Variants in LAMA4 observed in about 807,000 individuals in gnomAD.
LAMA4 encodes the protein laminin subunit alpha 4, also known as laminin subunit alpha-4.
LAMA4 carries 127 observed loss-of-function variants against 207.1 expected under a neutral mutation model. The observed-to-expected ratio is 0.61, with a 90% CI of 0.53 to 0.71. The LOEUF (loss-of-function observed/expected upper bound fraction) is 0.71, where lower values mean the gene tolerates loss of function less well. Among genes scored for constraint, LAMA4 ranks in the 30% least tolerant of loss-of-function variants. The pLI is 0.00. For missense variants in LAMA4, 2,093 were observed against 2,246.5 expected (o/e 0.93, Z 1.38); for synonymous variants, 761 against 816.0 (o/e 0.93, Z 1.15).
intron 31 of LAMA4, among the ~76,000 whole-genome samples, chr6:112,122,870 C>T (rs587621947): frequency 6.6e-6 from 1 of 152,216 alleles, no homozygotes; most frequent in South Asian, 2.1e-4. Context: ...AGTATTTAGT[C>T]ATTTATTCAA....
chr6:112,228,393 A>G (rs1381109211), intron 2 of LAMA4, among the ~76,000 whole-genome samples: 1 of 152,200 alleles, frequency 6.6e-6, no homozygotes, highest in East Asian at 1.9e-4. Context: ...GGCTTCCTCT[A>G]GACAAAAGGA....
intron 24 of LAMA4, 95 bp downstream of exon 24, chr6:112,139,025 C>T (rs1779519236): frequency 2.5e-6 from 3 of 1,209,174 alleles, no homozygotes; most frequent in South Asian, 2.4e-5. Context: ...AGTTTGATGG[C>T]ATGACACACT....
chr6:112,225,677 G>A (rs1290699328), intron 2 of LAMA4, among the ~76,000 whole-genome samples: 1 of 152,172 alleles, frequency 6.6e-6, no homozygotes, highest in Non-Finnish European at 1.5e-5. Flanking sequence ...CTATGCTGGG[G>A]TGGGCTGTAG....
chr6:112,206,603 T>C (rs1784071179), intron 4 of LAMA4, among the ~76,000 whole-genome samples: 1 of 152,186 alleles, frequency 6.6e-6, no homozygotes, highest in Non-Finnish European at 1.5e-5. Flanking sequence ...TAATTCTGAC[T>C]GAAAAGCCAT....
chr6:112,169,603 AAGG>A (rs1233564937), intron 12 of LAMA4, among the ~76,000 whole-genome samples: 2 of 152,176 alleles, frequency 1.3e-5, no homozygotes, highest in Non-Finnish European at 2.9e-5. Flanking sequence ...CAGGAAGAGG[AAGG>A]AGAACTGAGG....
At position 112,108,651 on chromosome 6, in the gene LAMA4, G is replaced by C. The variant is rs1385775043; in HGVS notation, c.*786C>G. ...GCAAACTTTTAATAAAAGGACTTGT[G>C]TACTCTTAAATTGAATTTTATGATT... On this transcript the variant is annotated 3_prime_UTR_variant, in exon 39 of 39. Transcript: ENST00000230538. The C allele has an allele frequency of 6.6e-6, 1 of 152,186 alleles. No individual in the cohort carries two copies. Among genetic ancestry groups the C allele is most frequent in the Non-Finnish European group, 1.5e-5 (1 of 68,056 alleles). The allele number at this position is 152,186 out of a possible 1,614,324, so 9.4% of individuals were successfully genotyped here. A position where few individuals can be genotyped will look rare whatever the true frequency, so the allele number is the denominator to read the frequency against.
chr6:112,154,944 C>T lies in LAMA4; in HGVS notation c.1963G>A (p.Val655Met), dbSNP rs2114777138. 1.2e-6 allele frequency: 2 copies of T among 1,604,944 alleles called. No homozygotes were observed. Among genetic ancestry groups the T allele is most frequent in the South Asian group, 1.1e-5 (1 of 90,868 alleles). Residue 655 changes from valine (V) to methionine (M), a missense_variant, in exon 16 of 39, where the codon GTG (valine) becomes ATG (methionine). By Grantham distance (21) the Val-to-Met change is conservative. Transcript: ENST00000230538. ...LNTTDRIYDA[V>M]SGIDTQIIYH... ...ATGATTTGAGTATCAATCCCACTCA[C>T]CGCCTACAAAGGAATTGAGAGAAGA...
At chr6:112,181,632 C>T (rs782686783) in intron 9 of LAMA4, among the ~76,000 whole-genome samples, 7 of 152,160 alleles carry the variant, frequency 4.6e-5, no homozygotes, top group Non-Finnish European at 7.3e-5. Context: ...CTAGTGTACC[C>T]ATGCCAAAAT....
At chr6:112,216,105 T>C (rs915736403) in intron 3 of LAMA4, among the ~76,000 whole-genome samples, 2 of 152,204 alleles carry the variant, frequency 1.3e-5, no homozygotes, top group African/African-American at 4.8e-5. Context: ...CCGCCATTGG[T>C]CTACAGCAGG....
intron 5 of LAMA4, chr6:112,200,323 C>T (rs1020814792): frequency 2.7e-6 from 1 of 367,474 alleles, no homozygotes; most frequent in Non-Finnish European, 5.4e-6. Context: ...AAATCAAAAC[C>T]ACAATGAGAT....
chr6:112,212,660 G>A (rs528402017), intron 3 of LAMA4, among the ~76,000 whole-genome samples: 1 of 152,300 alleles, frequency 6.6e-6, no homozygotes, highest in Admixed American at 6.5e-5. Context: ...CCAAACTGAT[G>A]ATGCTTTCCA....
chr6:112,225,013 T>C (rs1554361958), intron 2 of LAMA4, among the ~76,000 whole-genome samples: 1 of 151,768 alleles, frequency 6.6e-6, no homozygotes, highest in Non-Finnish European at 1.5e-5. Context: ...CATCTTCTGC[T>C]GCTTCTACAT....
chr6:112,183,675 G>A (rs1426853298), intron 9 of LAMA4, among the ~76,000 whole-genome samples: 1 of 152,086 alleles, frequency 6.6e-6, no homozygotes, highest in East Asian at 1.9e-4. Flanking sequence ...TTAAGGCTGG[G>A]CGTGGTGGTT....
At chr6:112,195,560 A>T (rs1783366256) in intron 5 of LAMA4, among the ~76,000 whole-genome samples, 1 of 152,094 alleles carries the variant, frequency 6.6e-6, no homozygotes, top group Non-Finnish European at 1.5e-5. Context: ...AATCATTATG[A>T]TTATCATCTT....
chr6:112,189,205 A>C lies in LAMA4; in HGVS notation c.719T>G (p.Val240Gly). 6.2e-7 allele frequency: 1 copy of C among 1,610,826 alleles called. No homozygotes were observed. The highest frequency in any genetic ancestry group is 8.5e-7 in the Non-Finnish European group (1 of 1,177,040). ...ACATGGGCCTCCCCCGCAGTTGCACACTGTGGGAAACAAAAACAAGAGACG... is the reference window on the plus strand; with the variant it reads ...ACATGGGCCTCCCCCGCAGTTGCACCCTGTGGGAAACAAAAACAAGAGACG... ...GDARIAKNCA[V>G]CNCGGGPCDS... The change falls in exon 7 of 39, where the codon GTG becomes GGG. Residue 240 changes from valine (V) to glycine (G), a missense_variant and splice_region_variant. Around this residue, in one of 3 missense-constraint regions of LAMA4, gnomAD observed 1,704 missense variants for 1,788.4 expected, o/e 0.95. Coordinates refer to ENST00000230538, the MANE Select transcript of LAMA4 (RefSeq NM_001105206.3).
intron 38 of LAMA4, among the ~76,000 whole-genome samples, chr6:112,112,391 G>A (rs765746525): frequency 4.7e-4 from 72 of 152,332 alleles, no homozygotes; most frequent in Non-Finnish European, 8.2e-4. Context: ...GGGAGATCCC[G>A]AAGGCAGGGA....
chr6:112,240,993 T>A (rs1554187524), intron 2 of LAMA4, among the ~76,000 whole-genome samples: 1 of 150,462 alleles, frequency 6.6e-6, no homozygotes, highest in Non-Finnish European at 1.5e-5. Context: ...TACTACTGTG[T>A]CAGCTCTTTC....
intron 21 of LAMA4, 116 bp from the exon 22 acceptor site, chr6:112,141,038 G>C (rs1281300714): frequency 2.0e-5 from 18 of 885,032 alleles, no homozygotes; most frequent in Non-Finnish European, 3.3e-5. Context: ...ACACTAATAA[G>C]CATTTACAAA....
chr6:112,135,330 T>C (rs1779276665), intron 25 of LAMA4, among the ~76,000 whole-genome samples: 2 of 152,186 alleles, frequency 1.3e-5, no homozygotes, highest in Admixed American at 1.3e-4. Context: ...AGCAGGTGCC[T>C]TCTGGAATCT....
Sources: gnomAD v4.1 joint callset for allele counts (sites outside exome capture counted in the v4.1 genomes callset) on GRCh38, gnomAD v4.1.1 for gene constraint, gnomAD v4.1.1 regional missense constraint, MANE v1.5 for transcripts, NCBI Gene and HGNC (gene_info 2026-07-23, HGNC 2026-07-21) for gene names.